The following WWOX variants were observed in gnomAD, a reference collection of about 807,000 sequenced individuals.
The protein encoded by WWOX is WW domain containing oxidoreductase.
Under a neutral mutation model 46.2 loss-of-function variants are expected in WWOX, and 69 were observed. The observed-to-expected ratio is 1.49, with a 90% CI of 1.23 to 1.82. The LOEUF is 1.82. WWOX is among the 40% of genes most tolerant of loss of function. The probability of loss-of-function intolerance (pLI) is 0.00; values close to 1 mark genes in which losing one functional copy is unlikely to be tolerated. For missense variants in WWOX, 919 were observed against 542.6 expected, an observed-to-expected ratio of 1.69 and a Z score of -6.89; for synonymous variants, 359 against 202.6, an observed-to-expected ratio of 1.77 and a Z score of -6.56.
At chr16:78,796,892 C>G (rs79837236) in intron 8 of WWOX, among the ~76,000 whole-genome samples, 25,517 of 149,884 alleles carry the variant, frequency 0.17, 2,298 homozygotes, top group East Asian at 0.31. Context: ...GTGGTGCGAT[C>G]TCGGCTCACT....
intron 5 of WWOX, among the ~76,000 whole-genome samples, chr16:78,210,137 A>G (rs2036512945): frequency 6.6e-6 from 1 of 152,228 alleles, no homozygotes; most frequent in Non-Finnish European, 1.5e-5. Flanking sequence ...TATGACAGAA[A>G]TCATTACAAG....
At chr16:78,538,590 G>T (rs899405595) in intron 8 of WWOX, among the ~76,000 whole-genome samples, 2 of 152,194 alleles carry the variant, frequency 1.3e-5, no homozygotes, top group African/African-American at 4.8e-5. Context: ...TTCTCTGAGA[G>T]AATTGCTCAA....
At chr16:78,787,682 G>A (rs1332346984) in intron 8 of WWOX, among the ~76,000 whole-genome samples, 1 of 152,148 alleles carries the variant, frequency 6.6e-6, no homozygotes, top group South Asian at 2.1e-4. Context: ...GGCATATTTT[G>A]GGGAGTGGCA....
rs112304385 is a variant in WWOX at position 78,451,931 on chromosome 16, T to A, written c.1056+19179T>A. Among the ~76,000 whole-genome samples the A allele has an allele frequency of 2.1e-3, 323 of 152,336 alleles. 1 individual carries two copies. Among genetic ancestry groups the A allele is most frequent in the African/African-American group, 7.6e-3 (314 of 41,574 alleles). On this transcript the variant is annotated intron_variant, in intron 8 of 8. Coordinates refer to ENST00000566780, the MANE Select transcript of WWOX (RefSeq NM_016373.4). ...GGAATGAAATTATAACGTAATGTAT[T>A]GTTGGAGCCCTTAGTTCAACACTGT...
chr16:78,658,516 G>C (rs990433878), intron 8 of WWOX, among the ~76,000 whole-genome samples: 1 of 152,120 alleles, frequency 6.6e-6, no homozygotes, highest in Admixed American at 6.5e-5. Flanking sequence ...ACCTGACATC[G>C]AGGTGTTGGC....
chr16:78,293,978 G>GAA (rs35079271), intron 5 of WWOX, among the ~76,000 whole-genome samples: 4,046 of 29,910 alleles, frequency 0.14, 426 homozygotes, highest in East Asian at 0.2. Context: ...CTCTGTCTCA[G>GAA]AAAAAAAAAA....
intron 8 of WWOX, among the ~76,000 whole-genome samples, chr16:79,070,506 G>C (rs1008665009): frequency 6.6e-6 from 1 of 152,142 alleles, no homozygotes; most frequent in Non-Finnish European, 1.5e-5. Context: ...TGGAAGGGTG[G>C]AGCGTCTGCC....
intron 8 of WWOX, among the ~76,000 whole-genome samples, chr16:79,067,952 A>C (rs1223486985): frequency 1.3e-5 from 2 of 152,202 alleles, no homozygotes; most frequent in Non-Finnish European, 2.9e-5. Context: ...TAAATCAGCC[A>C]ATAAATAATT....
At chr16:78,820,544 A>G (rs2051465246) in intron 8 of WWOX, among the ~76,000 whole-genome samples, 1 of 152,108 alleles carries the variant, frequency 6.6e-6, no homozygotes, top group Non-Finnish European at 1.5e-5. Flanking sequence ...GGTGGTTTTT[A>G]TTGGGATTAG....
chr16:78,690,819 A>T (rs796731148), intron 8 of WWOX, among the ~76,000 whole-genome samples: 14 of 152,284 alleles, frequency 9.2e-5, no homozygotes, highest in African/African-American at 3.4e-4. Context: ...GCATATGCGT[A>T]TGTTTCAAGA....
At chr16:79,093,291 C>G (rs1179737165) in intron 8 of WWOX, among the ~76,000 whole-genome samples, 1 of 152,108 alleles carries the variant, frequency 6.6e-6, no homozygotes, top group African/African-American at 2.4e-5. Context: ...AAATACCTGT[C>G]TATTAATACT....
intron 4 of WWOX, among the ~76,000 whole-genome samples, chr16:78,132,550 G>A (rs1043115625): frequency 6.6e-6 from 1 of 152,170 alleles, no homozygotes; most frequent in Non-Finnish European, 1.5e-5. Flanking sequence ...TTTTTTAAAA[G>A]GTCATCCAGT....
chr16:78,284,869 C>T (rs754750991), intron 5 of WWOX, among the ~76,000 whole-genome samples: 3 of 152,242 alleles, frequency 2.0e-5, no homozygotes, highest in South Asian at 2.1e-4. Context: ...TTCAAACTTA[C>T]GTATTTCTTC....
intron 8 of WWOX, among the ~76,000 whole-genome samples, chr16:78,785,242 T>C (rs1441470886): frequency 2.0e-5 from 3 of 152,244 alleles, no homozygotes; most frequent in Admixed American, 2.0e-4. Context: ...AAGGCTGCAG[T>C]AATTCTCTTC....
intron 8 of WWOX, among the ~76,000 whole-genome samples, chr16:78,659,999 T>C (rs553330301): frequency 6.6e-6 from 1 of 152,328 alleles, no homozygotes; most frequent in East Asian, 1.9e-4. Context: ...AGTACATTGT[T>C]AATTGATCCT....
chr16:78,872,251 C>G (rs555457491), intron 8 of WWOX, among the ~76,000 whole-genome samples: 2 of 152,250 alleles, frequency 1.3e-5, no homozygotes, highest in Non-Finnish European at 2.9e-5. Flanking sequence ...TATGAGAGCT[C>G]AGAAAAGTTT....
intron 8 of WWOX, among the ~76,000 whole-genome samples, chr16:79,168,175 T>C (rs945452448): frequency 1.3e-5 from 2 of 152,216 alleles, no homozygotes; most frequent in Non-Finnish European, 2.9e-5. Flanking sequence ...TATAATGACT[T>C]GTGTTGCCAT....
intron 8 of WWOX, among the ~76,000 whole-genome samples, chr16:78,492,732 G>A (rs1224603941): frequency 6.6e-6 from 1 of 152,174 alleles, no homozygotes. Flanking sequence ...TATGATTCAG[G>A]GAGTAATTGG....
At chr16:78,409,390 C>T (rs1332607503) in intron 6 of WWOX, among the ~76,000 whole-genome samples, 1 of 152,064 alleles carries the variant, frequency 6.6e-6, no homozygotes, top group African/African-American at 2.4e-5. Context: ...GACACCTAGC[C>T]CCTGGGAACC....
Sources: gnomAD v4.1 joint callset for allele counts (sites outside exome capture counted in the v4.1 genomes callset) on GRCh38, gnomAD v4.1.1 for gene constraint, MANE v1.5 for transcripts, NCBI Gene and HGNC (gene_info 2026-07-23, HGNC 2026-07-21) for gene names.